The following MRPS5 variants were observed in gnomAD, a reference collection of about 807,000 sequenced individuals.
MRPS5 encodes the protein small ribosomal subunit protein uS5m.
In MRPS5, 27 loss-of-function variants were observed where a neutral mutation model predicts 51.9. That is an observed-to-expected ratio of 0.52 (90% CI 0.38 to 0.72). The LOEUF is 0.72. Among genes scored for constraint, MRPS5 ranks in the 30% least tolerant of loss-of-function variants. The pLI is 0.00. For missense variants in MRPS5, 570 were observed against 545.7 expected (o/e 1.04, Z -0.44); for synonymous variants, 196 against 193.2 (o/e 1.01, Z -0.12).
At position 95,108,373 on chromosome 2, in the gene MRPS5, G is replaced by A; in HGVS notation, c.439C>T (p.Pro147Ser). ...TGCACTGCTCCATTTTTCATAAGAGGGACATTCAGTCCGGGCCATAGAAAA... is the reference window on the plus strand; with the variant it reads ...TGCACTGCTCCATTTTTCATAAGAGAGACATTCAGTCCGGGCCATAGAAAA... ...YGFLWPGLNV[P>S]LMKNGAVQTI... is the part of the protein sequence containing the mutation. The change falls in exon 5 of 12, where the codon CCT becomes TCT. Residue 147 changes from proline (P) to serine (S), a missense_variant. Transcript: ENST00000272418. 1 of 1,614,060 alleles carries A rather than the reference G, an allele frequency of 6.2e-7. No individual in the cohort carries two copies. Among genetic ancestry groups the A allele is most frequent in the Non-Finnish European group, 8.5e-7 (1 of 1,180,022 alleles).
At position 95,115,150 on chromosome 2, in the gene MRPS5, G is replaced by A. The variant is rs142632288; in HGVS notation, c.193C>T (p.Arg65Cys). The A allele has an allele frequency of 2.5e-5, 40 of 1,611,790 alleles. No individual in the cohort carries two copies. The highest frequency in any genetic ancestry group is 3.0e-5 in the Non-Finnish European group (35 of 1,179,526). ...RDTHPYASLS[R>C]ALQTQCCISS... ...ATACAGCATTGTGTCTGCAGTGCACGGCTCAAGCTGGCGTAGGGATGGGTG... is the reference window on the plus strand; with the variant it reads ...ATACAGCATTGTGTCTGCAGTGCACAGCTCAAGCTGGCGTAGGGATGGGTG... Residue 65 changes from arginine (R) to cysteine (C), a missense_variant, in exon 3 of 12, where the codon CGT becomes TGT. Physicochemically the swap from Arg to Cys is radical, Grantham distance 180. Coordinates refer to ENST00000272418, the MANE Select transcript of MRPS5 (RefSeq NM_031902.5).
At chr2:95,120,790 G>C (rs1385107355) in intron 1 of MRPS5, among the ~76,000 whole-genome samples, 1 of 152,152 alleles carries the variant, frequency 6.6e-6, no homozygotes, top group African/African-American at 2.4e-5. Context: ...ATGAAGGAAA[G>C]CTACAACAGC....
intron 2 of MRPS5, among the ~76,000 whole-genome samples, chr2:95,115,967 C>T (rs1000619726): frequency 9.4e-5 from 14 of 149,722 alleles, no homozygotes; most frequent in Non-Finnish European, 2.1e-4. Context: ...ATTGCAGTGG[C>T]GCGATGTCAG....
chr2:95,121,104 T>A (rs1676433668), intron 1 of MRPS5, among the ~76,000 whole-genome samples: 1 of 151,168 alleles, frequency 6.6e-6, no homozygotes, highest in Non-Finnish European at 1.5e-5. Context: ...GGCGACAGAG[T>A]AAGACTGTCT....
intron 8 of MRPS5, 134 bp downstream of exon 8, chr2:95,101,543 T>C (rs574761038): frequency 3.3e-6 from 2 of 612,570 alleles, no homozygotes; most frequent in East Asian, 6.1e-5. Flanking sequence ...TTTTATGAGC[T>C]AATTAACCCT....
Position 95,109,858 on chromosome 2 carries a change from T to C in MRPS5, c.403+58A>G, listed in dbSNP as rs1676065283. The stretch of plus-strand genomic sequence containing the variant: ...ATGCTTCTAGTTTGTAAAATATCTA[T>C]AAAATCTGGGGTAAGAAACTTACAA... On this transcript the variant is annotated intron_variant, in intron 4 of 11. Coordinates refer to ENST00000272418, the MANE Select transcript of MRPS5 (RefSeq NM_031902.5). 6 of 1,566,252 alleles carry C rather than the reference T, an allele frequency of 3.8e-6. No homozygotes were observed. The Admixed American group carries it at 5.7e-5, about 15-fold the overall frequency.
chr2:95,105,328 TCA>T (rs1412616043), intron 6 of MRPS5, among the ~76,000 whole-genome samples: 1 of 152,164 alleles, frequency 6.6e-6, no homozygotes, highest in African/African-American at 2.4e-5. Flanking sequence ...CGCAGACGGA[TCA>T]CGAGGTCAGG....
chr2:95,111,907 CAG>C (rs1341736211), intron 3 of MRPS5, among the ~76,000 whole-genome samples: 3 of 152,058 alleles, frequency 2.0e-5, no homozygotes, highest in Admixed American at 1.3e-4. Context: ...GTTCTTTTAA[CAG>C]AGATTTTACT....
intron 2 of MRPS5, among the ~76,000 whole-genome samples, chr2:95,117,520 T>C (rs1676318141): frequency 6.7e-6 from 1 of 149,168 alleles, no homozygotes; most frequent in Admixed American, 6.6e-5. Flanking sequence ...AAGAGTTAAA[T>C]TTTCAATTAA....
chr2:95,108,539 T>C, intron 4 of MRPS5, 131 bp from the exon 5 acceptor site: 1 of 755,906 alleles, frequency 1.3e-6, no homozygotes, highest in Non-Finnish European at 2.1e-6. Flanking sequence ...ATTATTAACT[T>C]GGTAGGTCAC....
Position 95,115,117 on chromosome 2 carries a change from G to C in MRPS5, c.226C>G (p.Pro76Ala), listed in dbSNP as rs765716938. The C allele has an allele frequency of 2.5e-6, 4 of 1,612,502 alleles. No homozygotes were observed. The highest frequency in any genetic ancestry group is 3.4e-6 in the Non-Finnish European group (4 of 1,179,664). Residue 76 changes from proline to alanine, a missense_variant, in exon 3 of 12, where the codon CCC becomes GCC. Transcript: ENST00000272418. ...ALQTQCCISS[P>A]SHLMSQQYRP... ...TACTGCTGGCTCATCAGGTGACTGG[G>C]AGAAGAAATACAGCATTGTGTCTGC...
At chr2:95,091,514 G>A (rs1305624828) in intron 10 of MRPS5, 1 of 152,322 alleles carries the variant, frequency 6.6e-6, no homozygotes, top group Non-Finnish European at 1.5e-5. Context: ...CCAGGATATT[G>A]TTTACCGCGG....
intron 10 of MRPS5, among the ~76,000 whole-genome samples, chr2:95,098,141 T>C (rs572011928): frequency 1.3e-5 from 2 of 152,334 alleles, no homozygotes; most frequent in Non-Finnish European, 2.9e-5. Context: ...CACAATGAGA[T>C]ACCATCTCAC....
chr2:95,107,517 G>A (rs1018802319), intron 5 of MRPS5, among the ~76,000 whole-genome samples: 9 of 152,096 alleles, frequency 5.9e-5, no homozygotes, highest in African/African-American at 2.2e-4. Flanking sequence ...TCATCCTCCT[G>A]ACTGAAGCAT....
intron 3 of MRPS5, 110 bp downstream of exon 3, chr2:95,114,956 T>G (rs1676242211): frequency 9.9e-7 from 1 of 1,010,438 alleles, no homozygotes; most frequent in African/African-American, 1.7e-5. Flanking sequence ...AACAGTACAT[T>G]GTAAACTAAT....
chr2:95,119,760 T>C (rs1347530422), intron 1 of MRPS5, among the ~76,000 whole-genome samples: 1 of 151,932 alleles, frequency 6.6e-6, no homozygotes, highest in Non-Finnish European at 1.5e-5. Context: ...AGTTTGGCAG[T>C]TCCTTGACAC....
At chr2:95,116,880 C>T (rs1029235642) in intron 2 of MRPS5, among the ~76,000 whole-genome samples, 3 of 151,996 alleles carry the variant, frequency 2.0e-5, no homozygotes, top group African/African-American at 7.3e-5. Flanking sequence ...GCCTGTAATG[C>T]CTATAATCCG....
At chr2:95,103,289 G>A (rs1675855510) in intron 7 of MRPS5, among the ~76,000 whole-genome samples, 2 of 152,042 alleles carry the variant, frequency 1.3e-5, no homozygotes, top group African/African-American at 4.8e-5. Context: ...ACAGAAAAAC[G>A]GGCAAAGCAT....
At position 95,094,605 on chromosome 2, in the gene MRPS5, C is replaced by G. The variant is rs576559980; in HGVS notation, c.932-4083G>C. Among the ~76,000 whole-genome samples the G allele has an allele frequency of 1.2e-3, 183 of 152,256 alleles. No individual in the cohort carries two copies. In the South Asian group the frequency reaches 0.023, roughly 19 times the overall value. On this transcript the variant is annotated intron_variant, in intron 10 of 11. Transcript: ENST00000272418. ...CAACATTCTTAAAAGAATTTTCAACCCAGAATTTCATATCCAGCCAAACTA... is the reference window on the plus strand; with the variant it reads ...CAACATTCTTAAAAGAATTTTCAACGCAGAATTTCATATCCAGCCAAACTA...
Sources: gnomAD v4.1 joint callset for allele counts (sites outside exome capture counted in the v4.1 genomes callset) on GRCh38, gnomAD v4.1.1 for gene constraint, MANE v1.5 for transcripts, NCBI Gene and HGNC (gene_info 2026-07-23, HGNC 2026-07-21) for gene names.